Variants in NTNG1 observed in about 807,000 individuals in gnomAD.
The protein encoded by NTNG1 is netrin-G1.
Under a neutral mutation model 54.0 loss-of-function variants are expected in NTNG1, and 16 were observed. The observed-to-expected ratio is 0.30, with a 90% CI of 0.20 to 0.45. NTNG1 has a LOEUF of 0.45. NTNG1 is among the 20% of genes least tolerant of loss of function. NTNG1 has a pLI of 1.00. For synonymous variants in NTNG1, 255 were observed against 263.1 expected (o/e 0.97, Z 0.30); for missense variants, 530 against 678.7 (o/e 0.78, Z 2.43).
intron 3 of NTNG1, among the ~76,000 whole-genome samples, chr1:107,349,836 G>A (rs992767951): frequency 2.0e-5 from 3 of 152,164 alleles, no homozygotes; most frequent in Admixed American, 6.5e-5. Context: ...TACTCCTGTC[G>A]ATGGATATTT....
intron 2 of NTNG1, among the ~76,000 whole-genome samples, chr1:107,281,821 G>A (rs1481870863): frequency 6.6e-6 from 1 of 152,028 alleles, no homozygotes; most frequent in Non-Finnish European, 1.5e-5. Flanking sequence ...AGCATACTTT[G>A]CAGTTAACAT....
At chr1:107,172,924 G>A (rs4915021) in intron 2 of NTNG1, among the ~76,000 whole-genome samples, 118,283 of 152,098 alleles carry the variant, frequency 0.78, 46,606 homozygotes, top group Middle Eastern at 0.87. Flanking sequence ...TCCTTCTGCA[G>A]TCTATGTGCT....
At position 107,436,808 on chromosome 1, in the gene NTNG1, C is replaced by A. The variant is rs532964299; in HGVS notation, c.1390+9C>A. 1.4e-5 allele frequency: 23 copies of A among 1,612,804 alleles called. No individual in the cohort carries two copies. The East Asian group carries it at 4.2e-4, about 30-fold the overall frequency. ...GCACTACGGCTGTCAACGTAAGTAA[C>A]TCTGGGAGCTGCCCTCTGCCTGCTG... is the stretch of plus-strand genomic sequence containing the variant. On this transcript the variant is annotated intron_variant, in intron 7 of 7. Coordinates refer to ENST00000370068, the MANE Select transcript of NTNG1 (RefSeq NM_001113226.3).
rs965182926 is a variant in NTNG1, at chr1:107,167,776, G to A, written c.246+18937G>A. ...AAGCGTGAGTAGATTTTAGAAAGAT[G>A]TAAGTATATTGCCCTTAAGTTTTCC... is the stretch of plus-strand genomic sequence containing the variant. On this transcript the variant is annotated intron_variant, in intron 2 of 7. Coordinates refer to ENST00000370068, the MANE Select transcript of NTNG1 (RefSeq NM_001113226.3). Among the ~76,000 whole-genome samples the A allele has an allele frequency of 4.6e-5, 7 of 152,080 alleles. No individual in the cohort carries two copies. The East Asian group carries it at 5.8e-4, about 13-fold the overall frequency.
At chr1:107,171,362 G>T (rs72979574) in intron 2 of NTNG1, among the ~76,000 whole-genome samples, 2,971 of 152,090 alleles carry the variant, frequency 0.02, 99 homozygotes, top group African/African-American at 0.068. Flanking sequence ...CTAGCTCTGA[G>T]TTTTGCACTT....
chr1:107,232,599 A>G (rs1661144813), intron 2 of NTNG1, among the ~76,000 whole-genome samples: 1 of 152,190 alleles, frequency 6.6e-6, no homozygotes, highest in Admixed American at 6.5e-5. Context: ...CGGTATATTT[A>G]TTTATATTAA....
chr1:107,453,484 G>A (rs1188966811), intron 7 of NTNG1, among the ~76,000 whole-genome samples: 1 of 152,188 alleles, frequency 6.6e-6, no homozygotes, highest in Non-Finnish European at 1.5e-5. Context: ...CCAGCTACAA[G>A]AGTGTGCATT....
intron 3 of NTNG1, among the ~76,000 whole-genome samples, chr1:107,374,835 G>T (rs1671130813): frequency 1.3e-5 from 2 of 150,792 alleles, no homozygotes; most frequent in South Asian, 2.1e-4. Flanking sequence ...ATTCTTTAGG[G>T]TTTTTTTTTC....
chr1:107,346,884 TAAAA>T (rs537482440), intron 3 of NTNG1, among the ~76,000 whole-genome samples: 17 of 97,130 alleles, frequency 1.8e-4, no homozygotes, highest in African/African-American at 4.7e-4. Context: ...TTTTCTATCC[TAAAA>T]AAAAAAAAAA....
chr1:107,200,323 C>T (rs1658647535), intron 2 of NTNG1, among the ~76,000 whole-genome samples: 1 of 151,864 alleles, frequency 6.6e-6, no homozygotes, highest in Non-Finnish European at 1.5e-5. Context: ...TGTTATATAA[C>T]ATTTCTTGTT....
chr1:107,305,202 TG>T (rs1666606189), intron 2 of NTNG1, among the ~76,000 whole-genome samples: 1 of 152,246 alleles, frequency 6.6e-6, no homozygotes, highest in African/African-American at 2.4e-5. Flanking sequence ...AACATCCATG[TG>T]CATGTGTCTT....
At chr1:107,168,541 T>C (rs1252324778) in intron 2 of NTNG1, among the ~76,000 whole-genome samples, 1 of 152,028 alleles carries the variant, frequency 6.6e-6, no homozygotes, top group African/African-American at 2.4e-5. Flanking sequence ...TTGAGGAAAA[T>C]AGAAGTGGAA....
At chr1:107,382,909 AATT>A (rs1474950749) in intron 3 of NTNG1, among the ~76,000 whole-genome samples, 1 of 152,130 alleles carries the variant, frequency 6.6e-6, no homozygotes, top group Non-Finnish European at 1.5e-5. Context: ...CTCTATTGGA[AATT>A]ATTTTATTTC....
intron 2 of NTNG1, among the ~76,000 whole-genome samples, chr1:107,152,934 G>A (rs1465836729): frequency 1.3e-5 from 2 of 152,180 alleles, no homozygotes; most frequent in Non-Finnish European, 2.9e-5. Context: ...ATGTCAGAAT[G>A]TGAAATGAAA....
intron 2 of NTNG1, among the ~76,000 whole-genome samples, chr1:107,273,707 T>C (rs1473289491): frequency 6.6e-6 from 1 of 152,196 alleles, no homozygotes; most frequent in Non-Finnish European, 1.5e-5. Flanking sequence ...TATAATGATG[T>C]TATTTTTATA....
chr1:107,327,815 C>T (rs1047602457), intron 3 of NTNG1, among the ~76,000 whole-genome samples: 10 of 152,012 alleles, frequency 6.6e-5, no homozygotes, highest in African/African-American at 9.7e-5. Flanking sequence ...ATTTTTTTAC[C>T]TTGAAATCTT....
At chr1:107,220,999 C>G (rs536771256) in intron 2 of NTNG1, among the ~76,000 whole-genome samples, 57 of 152,070 alleles carry the variant, frequency 3.7e-4, no homozygotes, top group African/African-American at 1.3e-3. Context: ...TAACCTTGAG[C>G]AAATCATTTA....
At chr1:107,267,937 A>G (rs536326307) in intron 2 of NTNG1, among the ~76,000 whole-genome samples, 9 of 152,074 alleles carry the variant, frequency 5.9e-5, no homozygotes, top group Non-Finnish European at 7.4e-5. Flanking sequence ...CTTGCATTCA[A>G]ACTCTGCCCT....
Position 107,232,857 on chromosome 1 carries a change from G to T in NTNG1, c.246+84018G>T, listed in dbSNP as rs141869417. The stretch of plus-strand genomic sequence containing the variant: ...AGCTGCATAGACATTATCTGATAAT[G>T]ATAGTGTGTATAGCTCAGACTACAG... On this transcript the variant is annotated intron_variant, in intron 2 of 7. Transcript: ENST00000370068. 3.9e-3 allele frequency among the ~76,000 whole-genome samples: 588 copies of T among 152,266 alleles called. 1 individual carries two copies. Among genetic ancestry groups the T allele is most frequent in the African/African-American group, 0.013 (557 of 41,558 alleles).
Sources: allele counts gnomAD v4.1 joint callset (sites outside exome capture counted in the v4.1 genomes callset), GRCh38; gene constraint gnomAD v4.1.1; transcripts MANE v1.5; gene names NCBI Gene and HGNC (gene_info 2026-07-23, HGNC 2026-07-21).